Variants in USH2A observed in about 807,000 individuals in gnomAD.
The protein encoded by USH2A is usherin.
USH2A carries 443 observed loss-of-function variants against 538.9 expected under a neutral mutation model. The observed-to-expected ratio is 0.82, with a 90% CI of 0.76 to 0.89. The LOEUF (loss-of-function observed/expected upper bound fraction) is 0.89. Among genes scored for constraint, USH2A ranks in the 40% least tolerant of loss-of-function variants. The pLI is 0.00. For missense variants in USH2A, 6,633 were observed against 6,324.8 expected (o/e 1.05, Z -1.65); for synonymous variants, 2,413 against 2,273.5 (o/e 1.06, Z -1.75).
chr1:216,254,551 G>C (rs2036224455), intron 11 of USH2A, among the ~76,000 whole-genome samples: 1 of 152,146 alleles, frequency 6.6e-6, no homozygotes, highest in Non-Finnish European at 1.5e-5. Flanking sequence ...TAAAATGCCT[G>C]CAAATTTAGA....
chr1:216,329,046 C>G (rs1008747181), intron 4 of USH2A, among the ~76,000 whole-genome samples: 4 of 152,148 alleles, frequency 2.6e-5, no homozygotes, highest in Admixed American at 6.6e-5. Context: ...AAGATGTGCT[C>G]TAGGCAGCCT....
chr1:216,393,967 A>T (rs1317478510), intron 3 of USH2A, among the ~76,000 whole-genome samples: 3 of 152,336 alleles, frequency 2.0e-5, no homozygotes, highest in Middle Eastern at 6.8e-3. Flanking sequence ...AAAAGGGCCA[A>T]CATTTTTTGA....
At chr1:215,735,168 G>A (rs981586131) in intron 60 of USH2A, among the ~76,000 whole-genome samples, 3 of 152,128 alleles carry the variant, frequency 2.0e-5, no homozygotes, top group Non-Finnish European at 4.4e-5. Context: ...ACCAGTGGCA[G>A]GTACCCCTCT....
rs551019018 is a variant in USH2A at position 216,112,155 on chromosome 1, A to G, written c.4628-14942T>C. ...TCGACAAAATAACAGTTGAAAGCTA[A>G]CCTGAAAATATGAGCGCCCTGGAAT... is the stretch of plus-strand genomic sequence containing the variant. On this transcript the variant is annotated intron_variant, in intron 21 of 71. Coordinates refer to ENST00000307340, the MANE Select transcript of USH2A (RefSeq NM_206933.4). Among the ~76,000 whole-genome samples, 496 of 152,300 alleles carry G rather than the reference A, an allele frequency of 3.3e-3. 3 individuals are homozygous for G. The highest frequency in any genetic ancestry group is 0.026 in the South Asian group (123 of 4,822).
At chr1:216,225,619 C>A (rs917967200) in intron 14 of USH2A, among the ~76,000 whole-genome samples, 18 of 152,176 alleles carry the variant, frequency 1.2e-4, no homozygotes, top group Admixed American at 6.6e-4. Flanking sequence ...CACTTTCCAG[C>A]AGTAGCCTGT....
chr1:215,786,940 G>T, intron 51 of USH2A, 66 bp from the exon 52 acceptor site: 1 of 1,481,318 alleles, frequency 6.8e-7, no homozygotes, highest in Non-Finnish European at 9.3e-7. Context: ...CATACATAGG[G>T]TAGGCTTTTG....
intron 57 of USH2A, 82 bp downstream of exon 57, chr1:215,759,578 T>G: frequency 6.4e-7 from 1 of 1,550,752 alleles, no homozygotes; most frequent in South Asian, 1.1e-5. Flanking sequence ...TTAACAACTT[T>G]CAGTGGGACA....
chr1:215,765,382 C>T (rs1252020396), intron 56 of USH2A, among the ~76,000 whole-genome samples: 1 of 152,038 alleles, frequency 6.6e-6, no homozygotes. Flanking sequence ...TGGAATTTTC[C>T]ATTTTATTCC....
intron 49 of USH2A, among the ~76,000 whole-genome samples, chr1:215,809,814 G>A (rs34052095): frequency 1.3e-5 from 2 of 152,098 alleles, no homozygotes; most frequent in Admixed American, 6.6e-5. Flanking sequence ...AATATTTCAG[G>A]CTAATCCATA....
At chr1:216,411,375 C>A (rs1017149426) in intron 3 of USH2A, among the ~76,000 whole-genome samples, 37 of 152,256 alleles carry the variant, frequency 2.4e-4, no homozygotes, top group African/African-American at 8.4e-4. Flanking sequence ...GAAGCCCTAA[C>A]CCTATGTGCC....
chr1:215,762,968 C>A (rs1396710941), intron 56 of USH2A, among the ~76,000 whole-genome samples: 1 of 152,072 alleles, frequency 6.6e-6, no homozygotes, highest in East Asian at 1.9e-4. Flanking sequence ...GCCATATTAC[C>A]CACTTCTCAT....
At chr1:215,968,405 C>T (rs1667408491) in intron 36 of USH2A, among the ~76,000 whole-genome samples, 1 of 151,722 alleles carries the variant, frequency 6.6e-6, no homozygotes, top group African/African-American at 2.4e-5. Context: ...AGGGCAACTC[C>T]TTCTGAACCA....
intron 38 of USH2A, among the ~76,000 whole-genome samples, chr1:215,923,147 T>C (rs2102490000): frequency 6.6e-6 from 1 of 152,252 alleles, no homozygotes; most frequent in Non-Finnish European, 1.5e-5. Context: ...CTACTTGTTT[T>C]CCTTTCTCTC....
At chr1:216,280,603 T>C (rs2102594104) in intron 11 of USH2A, among the ~76,000 whole-genome samples, 1 of 152,340 alleles carries the variant, frequency 6.6e-6, no homozygotes, top group Middle Eastern at 3.4e-3. Flanking sequence ...GCTTTAGATG[T>C]TCTCTCTGTC....
chr1:216,013,248 T>C (rs1047375169), intron 32 of USH2A, among the ~76,000 whole-genome samples: 3 of 149,856 alleles, frequency 2.0e-5, no homozygotes. Context: ...ATGTTTCTTC[T>C]AACAACCCCA....
chr1:215,674,187 C>T lies in USH2A; in HGVS notation c.13724G>A (p.Arg4575Lys). 6.2e-7 allele frequency: 1 copy of T among 1,614,108 alleles called. No individual in the cohort carries two copies. The highest frequency in any genetic ancestry group is 8.5e-7 in the Non-Finnish European group (1 of 1,180,006). ...YTLFIRELFE[R>K]ETKIIHINTT... ...GTTTATGTGTATGATTTTAGTTTCTCTTTCAAATAGTTCACGGATGAAGAG... is the reference window on the plus strand; with the variant it reads ...GTTTATGTGTATGATTTTAGTTTCTTTTTCAAATAGTTCACGGATGAAGAG... Residue 4575 changes from arginine to lysine, a missense_variant, in exon 63 of 72, where the codon AGA becomes AAA. Coordinates refer to ENST00000307340, the MANE Select transcript of USH2A (RefSeq NM_206933.4).
chr1:215,754,796 C>G (rs1660740245), intron 58 of USH2A, among the ~76,000 whole-genome samples: 1 of 152,182 alleles, frequency 6.6e-6, no homozygotes, highest in Admixed American at 6.5e-5. Flanking sequence ...CTGGCGGACT[C>G]ATGTTTTCAG....
intron 35 of USH2A, among the ~76,000 whole-genome samples, chr1:215,975,723 T>C (rs976302323): frequency 6.6e-6 from 1 of 152,192 alleles, no homozygotes; most frequent in African/African-American, 2.4e-5. Flanking sequence ...TGTAGCCTTA[T>C]AGTATAGTTT....
At chr1:215,745,113 A>G (rs745890815) in intron 58 of USH2A, among the ~76,000 whole-genome samples, 10 of 152,172 alleles carry the variant, frequency 6.6e-5, no homozygotes, top group Non-Finnish European at 1.2e-4. Context: ...TCAGTAAGTC[A>G]TAATACCATC....
Sources: gnomAD v4.1 joint callset for allele counts (sites outside exome capture counted in the v4.1 genomes callset) on GRCh38, gnomAD v4.1.1 for gene constraint, MANE v1.5 for transcripts, NCBI Gene and HGNC (gene_info 2026-07-23, HGNC 2026-07-21) for gene names.